COG5: variants seen among roughly 807,000 people sequenced by gnomAD.
COG5 encodes conserved oligomeric Golgi complex subunit 5.
A neutral mutation model predicts 110.4 loss-of-function variants in COG5; 86 were observed. That is an observed-to-expected ratio of 0.78 (90% CI 0.65 to 0.93). The LOEUF (loss-of-function observed/expected upper bound fraction) is 0.93. Among genes scored for constraint, COG5 ranks in the 40% least tolerant of loss-of-function variants. The pLI, the probability that COG5 is intolerant of heterozygous loss-of-function variation, is 0.00. For missense variants in COG5, 1,077 were observed against 987.0 expected, an observed-to-expected ratio of 1.09 and a Z score of -1.22; for synonymous variants, 360 against 334.6, an observed-to-expected ratio of 1.08 and a Z score of -0.83.
chr7:107,560,514 A>G (rs1803691322), intron 1 of COG5, among the ~76,000 whole-genome samples: 2 of 152,210 alleles, frequency 1.3e-5, no homozygotes, highest in African/African-American at 4.8e-5. Flanking sequence ...TTTTACACTA[A>G]CTTAGACCAC....
intron 14 of COG5, among the ~76,000 whole-genome samples, chr7:107,267,470 T>C (rs1437541314): frequency 1.3e-5 from 2 of 152,230 alleles, no homozygotes; most frequent in African/African-American, 4.8e-5. Context: ...TATTTTTAAT[T>C]ATTTGAAAAA....
At chr7:107,374,473 C>T (rs1319970841) in intron 7 of COG5, among the ~76,000 whole-genome samples, 1 of 152,084 alleles carries the variant, frequency 6.6e-6, no homozygotes, top group Non-Finnish European at 1.5e-5. Flanking sequence ...ACACACAGTA[C>T]AGTTTCAGTG....
At chr7:107,393,694 GA>G (rs1394739937) in intron 7 of COG5, among the ~76,000 whole-genome samples, 1 of 152,140 alleles carries the variant, frequency 6.6e-6, no homozygotes, top group African/African-American at 2.4e-5. Flanking sequence ...TTGCAGCTGA[GA>G]TATGTTCTCT....
intron 5 of COG5, among the ~76,000 whole-genome samples, chr7:107,540,342 T>C (rs1022027821): frequency 2.0e-5 from 3 of 150,824 alleles, no homozygotes; most frequent in African/African-American, 7.3e-5. Flanking sequence ...GGAGGCCAGG[T>C]AGGAGTATCA....
At chr7:107,210,052 T>G in intron 21 of COG5, 31 of 1,028,548 alleles carry the variant, frequency 3.0e-5, no homozygotes, top group Non-Finnish European at 3.6e-5. Flanking sequence ...AATGCATTCA[T>G]GGGGCACTAC....
At chr7:107,405,914 T>C (rs1202956253) in intron 7 of COG5, among the ~76,000 whole-genome samples, 1 of 152,180 alleles carries the variant, frequency 6.6e-6, no homozygotes, top group Admixed American at 6.5e-5. Flanking sequence ...TGAATCAGAA[T>C]GTTGGCCCTC....
chr7:107,372,648 T>C lies in COG5; in HGVS notation c.782A>G (p.Asn261Ser). Reference sequence around the variant, plus strand: ...CAAAACTTTTATGTCTAATGCACTGTTGATATTTTCTTCTAAAGTAGCACA... The same window carrying C: ...CAAAACTTTTATGTCTAATGCACTGCTGATATTTTCTTCTAAAGTAGCACA... Reference protein sequence around the residue: ...GYCATLEENINSALDIKVLTQ... With the variant: ...GYCATLEENISSALDIKVLTQ... The change falls in exon 8 of 22, where the codon AAC becomes AGC. Residue 261 changes from asparagine (N) to serine (S), a missense_variant. Asn to Ser is a conservative substitution (Grantham distance 46, BLOSUM62 1). Coordinates refer to ENST00000297135, the MANE Select transcript of COG5 (RefSeq NM_006348.5). 6.2e-7 allele frequency: 1 copy of C among 1,613,786 alleles called. No individual in the cohort carries two copies.
At chr7:107,342,003 T>C (rs983432946) in intron 10 of COG5, among the ~76,000 whole-genome samples, 6 of 152,220 alleles carry the variant, frequency 3.9e-5, no homozygotes, top group Middle Eastern at 3.4e-3. Context: ...TCAAAAGCAA[T>C]TGCAACAAAA....
intron 11 of COG5, among the ~76,000 whole-genome samples, chr7:107,309,038 C>T (rs896229652): frequency 6.9e-6 from 1 of 145,840 alleles, no homozygotes; most frequent in African/African-American, 2.5e-5. Flanking sequence ...GGAAAGACCA[C>T]AACATAAGTG....
chr7:107,320,252 T>C (rs1809142861), intron 11 of COG5, among the ~76,000 whole-genome samples: 1 of 152,220 alleles, frequency 6.6e-6, no homozygotes, highest in African/African-American at 2.4e-5. Flanking sequence ...TAATTACTTA[T>C]ACTATTTTAA....
Position 107,211,097 on chromosome 7 carries a change from A to G in COG5, c.2295+2T>C. The G allele has an allele frequency of 1.2e-6, 2 of 1,614,086 alleles. No individual in the cohort carries two copies. The highest frequency in any genetic ancestry group is 1.7e-6 in the Non-Finnish European group (2 of 1,179,984). On this transcript the variant is annotated splice_donor_variant, in intron 20 of 21. Transcript: ENST00000297135. LOFTEE classifies it high-confidence loss of function. ...GGGTTCTGGCTTGACTTTATTTATT[A>G]CCTGGAAAGGAGATTTCAGTTCAGC...
chr7:107,554,171 C>T, intron 3 of COG5, 114 bp downstream of exon 3: 2 of 845,022 alleles, frequency 2.4e-6, no homozygotes, highest in Non-Finnish European at 4.0e-6. Flanking sequence ...GTAGTTGCAA[C>T]AGAGACTGTA....
chr7:107,324,147 C>G (rs925962237), intron 11 of COG5, among the ~76,000 whole-genome samples: 1 of 151,996 alleles, frequency 6.6e-6, no homozygotes, highest in African/African-American at 2.4e-5. Context: ...ACACACTCTA[C>G]GTAGGAAAAA....
At position 107,458,783 on chromosome 7, in the gene COG5, C is replaced by G. The variant is rs141091945; in HGVS notation, c.539-46151G>C. Among the ~76,000 whole-genome samples, 117 of 152,050 alleles carry G rather than the reference C, an allele frequency of 7.7e-4. 3 individuals carry two copies. The highest frequency in any genetic ancestry group is 7.1e-3 in the Admixed American group (108 of 15,274). On this transcript the variant is annotated intron_variant, in intron 6 of 21. Transcript: ENST00000297135. ...CTGAGGCAGGAAGATCACTTGAGCCCGAGAAGTCAAAGTTGCAGTGAGCCA... is the reference window on the plus strand; with the variant it reads ...CTGAGGCAGGAAGATCACTTGAGCCGGAGAAGTCAAAGTTGCAGTGAGCCA...
chr7:107,517,599 A>C, intron 6 of COG5, among the ~76,000 whole-genome samples: 1 of 152,154 alleles, frequency 6.6e-6, no homozygotes, highest in East Asian at 1.9e-4. Context: ...CCAGAGAAAA[A>C]GGTCAGGTCA....
chr7:107,403,384 C>T (rs1382472170), intron 7 of COG5, among the ~76,000 whole-genome samples: 2 of 151,592 alleles, frequency 1.3e-5, no homozygotes, highest in African/African-American at 4.8e-5. Flanking sequence ...CAGAAAGACA[C>T]CCTTTTTTTT....
At chr7:107,262,837 C>G (rs561472346) in intron 14 of COG5, among the ~76,000 whole-genome samples, 4 of 152,112 alleles carry the variant, frequency 2.6e-5, no homozygotes, top group African/African-American at 9.7e-5. Context: ...AGCTGAGTGA[C>G]TTGTAGCTTC....
intron 5 of COG5, among the ~76,000 whole-genome samples, chr7:107,536,209 C>G (rs1801571983): frequency 1.3e-5 from 2 of 151,862 alleles, no homozygotes; most frequent in African/African-American, 4.8e-5. Flanking sequence ...AAAACTGGCA[C>G]AAGTCAAGGA....
At chr7:107,331,816 A>G (rs1462855849) in intron 10 of COG5, among the ~76,000 whole-genome samples, 1 of 151,666 alleles carries the variant, frequency 6.6e-6, no homozygotes. Flanking sequence ...TGGGGCATCC[A>G]AGTGGAGATG....
Sources: allele counts gnomAD v4.1 joint callset (sites outside exome capture counted in the v4.1 genomes callset), GRCh38; gene constraint gnomAD v4.1.1; transcripts MANE v1.5; gene names NCBI Gene and HGNC (gene_info 2026-07-23, HGNC 2026-07-21).